CDK19: variants seen among roughly 807,000 people sequenced by gnomAD.
CDK19 encodes cyclin-dependent kinase 19.
In CDK19, 20 loss-of-function variants were observed where a neutral mutation model predicts 68.3. The observed-to-expected ratio is 0.29, with a 90% confidence interval of 0.21 to 0.43. CDK19 has a LOEUF of 0.43. Among genes scored for constraint, CDK19 ranks in the 20% least tolerant of loss-of-function variants. The pLI is 1.00. For synonymous variants in CDK19, 221 were observed against 222.8 expected, an observed-to-expected ratio of 0.99 and a Z score of 0.07; for missense variants, 339 against 623.5, an observed-to-expected ratio of 0.54 and a Z score of 4.86.
intron 2 of CDK19, chr6:110,670,810 A>T (rs1218594934): frequency 3.7e-6 from 2 of 545,490 alleles, no homozygotes; most frequent in Admixed American, 4.5e-5. Context: ...TGCAAGCAGG[A>T]ATGTGTTTTT....
intron 2 of CDK19, among the ~76,000 whole-genome samples, chr6:110,697,219 A>G (rs1286663212): frequency 6.6e-6 from 1 of 151,964 alleles, no homozygotes; most frequent in Non-Finnish European, 1.5e-5. Context: ...AACAAGAGCG[A>G]AACTCTGTCT....
intron 1 of CDK19, among the ~76,000 whole-genome samples, chr6:110,773,590 C>T (rs955707947): frequency 2.0e-5 from 3 of 152,042 alleles, no homozygotes; most frequent in East Asian, 1.9e-4. Flanking sequence ...ATATAGCATA[C>T]ATTATACTAA....
intron 2 of CDK19, among the ~76,000 whole-genome samples, chr6:110,686,897 C>G (rs1226586113): frequency 6.6e-6 from 1 of 152,134 alleles, no homozygotes; most frequent in African/African-American, 2.4e-5. Flanking sequence ...ATAACTTACA[C>G]TTCTAAAATA....
intron 2 of CDK19, among the ~76,000 whole-genome samples, chr6:110,717,574 C>T (rs1053656104): frequency 5.3e-5 from 8 of 152,088 alleles, no homozygotes; most frequent in East Asian, 1.9e-4. Context: ...ACATTTTAAA[C>T]GGTACATGTG....
chr6:110,715,903 T>A (rs1775350140), intron 2 of CDK19, among the ~76,000 whole-genome samples: 1 of 152,142 alleles, frequency 6.6e-6, no homozygotes, highest in South Asian at 2.1e-4. Context: ...CAACGGAACA[T>A]CCTTCTTTTA....
At position 110,705,781 on chromosome 6, in the gene CDK19, A is replaced by C. The variant is rs1225946630; in HGVS notation, c.205-35240T>G. ...CAGAAACCAAATGCCACATGTTCCCACTCATAAGTGAGAGTTGAACAATGA... is the reference window on the plus strand; with the variant it reads ...CAGAAACCAAATGCCACATGTTCCCCCTCATAAGTGAGAGTTGAACAATGA... On this transcript the variant is annotated intron_variant, in intron 2 of 12. Transcript: ENST00000368911. Among the ~76,000 whole-genome samples the C allele has an allele frequency of 2.0e-5, 3 of 152,144 alleles. No individual in the cohort carries two copies. The East Asian group carries it at 5.8e-4, about 29-fold the overall frequency.
intron 2 of CDK19, among the ~76,000 whole-genome samples, chr6:110,719,552 T>A (rs1420898472): frequency 6.6e-6 from 1 of 152,008 alleles, no homozygotes; most frequent in Non-Finnish European, 1.5e-5. Context: ...TCTAAACATA[T>A]GAATAAATAC....
At chr6:110,797,719 G>A (rs148798581) in intron 1 of CDK19, among the ~76,000 whole-genome samples, 1,873 of 152,160 alleles carry the variant, frequency 0.012, 30 homozygotes, top group African/African-American at 0.035. Flanking sequence ...GCGCAGTGGC[G>A]CACACCTGTA....
At chr6:110,762,259 A>G (rs1305506249) in intron 1 of CDK19, among the ~76,000 whole-genome samples, 1 of 152,142 alleles carries the variant, frequency 6.6e-6, no homozygotes, top group Non-Finnish European at 1.5e-5. Flanking sequence ...TTGGCCCTCC[A>G]TCTTCTTCTC....
Position 110,627,256 on chromosome 6 carries a change from C to A in CDK19, c.647-111G>T. 6 of 705,414 alleles carry A rather than the reference C, an allele frequency of 8.5e-6. No individual in the cohort carries two copies. In the South Asian group the frequency reaches 1.2e-4, roughly 14 times the overall value. 43.7% of individuals were successfully genotyped at this position (705,414 alleles called of 1,614,324 possible). On this transcript the variant is annotated intron_variant, in intron 6 of 12. Coordinates refer to ENST00000368911, the MANE Select transcript of CDK19 (RefSeq NM_015076.5). ...TTTCAGTAAATCAATATACAAAGTA[C>A]AATAAGTACATTAAGAGAACATTAT...
At position 110,623,899 on chromosome 6, in the gene CDK19, A is replaced by G. The variant is rs199859524; in HGVS notation, c.861-537T>C. Reference sequence around the variant, plus strand: ...TATACGTATATATATATGTGTGTGTATATATATATACGTATATATATATAC... The same window carrying G: ...TATACGTATATATATATGTGTGTGTGTATATATATACGTATATATATATAC... On this transcript the variant is annotated intron_variant, in intron 8 of 12. Transcript: ENST00000368911. Among the ~76,000 whole-genome samples, 85 of 11,492 alleles carry G rather than the reference A, an allele frequency of 7.4e-3. No homozygotes were observed. In the East Asian group the frequency reaches 0.23, roughly 31 times the overall value. The allele number at this position is 11,492 out of a possible 152,430, so 7.5% of individuals were successfully genotyped here.
chr6:110,777,820 G>C (rs140213458), intron 1 of CDK19, among the ~76,000 whole-genome samples: 3 of 152,266 alleles, frequency 2.0e-5, no homozygotes, highest in Non-Finnish European at 2.9e-5. Context: ...AAAAAGGAGG[G>C]AAATTCTGAC....
rs9400413 is a variant in CDK19 at position 110,767,781 on chromosome 6, C to T, written c.129-21580G>A. Among the ~76,000 whole-genome samples, 2,034 of 151,884 alleles carry T rather than the reference C, an allele frequency of 0.013. 138 individuals are homozygous for T. In the East Asian group the frequency reaches 0.22, roughly 16 times the overall value. On this transcript the variant is annotated intron_variant, in intron 1 of 12. Coordinates refer to ENST00000368911, the MANE Select transcript of CDK19 (RefSeq NM_015076.5). ...CATGTACTGGAGTATCACATGTAAC[C>T]CCATAAATATGTAAAATCATTATAT...
In CDK19 at chr6:110,613,779, TA is replaced by T. The variant is rs1224901849; in HGVS notation, c.*755del. 1 of 152,608 alleles carries T rather than the reference TA, an allele frequency of 6.6e-6. No homozygotes were observed. Among genetic ancestry groups the T allele is most frequent in the Non-Finnish European group, 1.5e-5 (1 of 68,022 alleles). 9.5% of individuals were successfully genotyped at this position (152,608 alleles called of 1,614,324 possible). ...CTTAGCTACATGAAGGTTAAAATTGTAATTCTTAATTACTGAATGCTATTCA... is the reference window on the plus strand; with the variant it reads ...CTTAGCTACATGAAGGTTAAAATTGTATTCTTAATTACTGAATGCTATTCA... On this transcript the variant is annotated 3_prime_UTR_variant, in exon 13 of 13. Transcript: ENST00000368911.
At chr6:110,644,510 G>C (rs1437869163) in intron 4 of CDK19, among the ~76,000 whole-genome samples, 2 of 152,086 alleles carry the variant, frequency 1.3e-5, no homozygotes, top group Non-Finnish European at 2.9e-5. Flanking sequence ...ATAACTAAAA[G>C]AGTATAATTG....
At chr6:110,805,147 A>G (rs1301546362) in intron 1 of CDK19, among the ~76,000 whole-genome samples, 1 of 152,150 alleles carries the variant, frequency 6.6e-6, no homozygotes, top group African/African-American at 2.4e-5. Context: ...CAAAACAGCT[A>G]TTACAGGAAG....
At chr6:110,797,259 G>C (rs1362122135) in intron 1 of CDK19, among the ~76,000 whole-genome samples, 1 of 151,800 alleles carries the variant, frequency 6.6e-6, no homozygotes, top group Non-Finnish European at 1.5e-5. Flanking sequence ...AGAATCACTT[G>C]AACCTGGGAG....
rs1179847187 is a variant in CDK19 at position 110,638,316 on chromosome 6, A to C, written c.514+333T>G. ...AGAGAATAGTTGGTAAACCTGAAAC[A>C]GAAGTGAGATTTAGAGGATTATATT... On this transcript the variant is annotated intron_variant, in intron 5 of 12. Transcript: ENST00000368911. Among the ~76,000 whole-genome samples the C allele has an allele frequency of 2.6e-5, 4 of 152,224 alleles. No individual in the cohort carries two copies. The East Asian group carries it at 7.7e-4, about 29-fold the overall frequency.
chr6:110,719,276 G>T (rs1775640668), intron 2 of CDK19, among the ~76,000 whole-genome samples: 1 of 152,132 alleles, frequency 6.6e-6, no homozygotes, highest in Admixed American at 6.6e-5. Flanking sequence ...TTGAGCCCAG[G>T]AGTTTTGAGA....
Sources: gnomAD v4.1 joint callset for allele counts (sites outside exome capture counted in the v4.1 genomes callset) on GRCh38, gnomAD v4.1.1 for gene constraint, MANE v1.5 for transcripts, NCBI Gene and HGNC (gene_info 2026-07-23, HGNC 2026-07-21) for gene names.